The following TRIM44 variants were observed in gnomAD, a reference collection of about 807,000 sequenced individuals.
TRIM44 encodes tripartite motif-containing protein 44.
TRIM44 carries 13 observed loss-of-function variants against 37.4 expected under a neutral mutation model. The ratio of observed to expected loss-of-function variants is 0.35; its 90% confidence interval spans 0.23 to 0.55. The LOEUF is 0.55. Ranked by LOEUF, TRIM44 falls within the 20% of genes least tolerant of loss-of-function variation. The pLI is 0.89. For synonymous variants in TRIM44, 175 were observed against 157.2 expected (o/e 1.11, Z -0.85); for missense variants, 426 against 437.2 (o/e 0.97, Z 0.23).
At chr11:35,741,987 A>C (rs1852403082) in intron 4 of TRIM44, among the ~76,000 whole-genome samples, 1 of 152,068 alleles carries the variant, frequency 6.6e-6, no homozygotes, top group Admixed American at 6.6e-5. Context: ...CTAGAGTGTA[A>C]TAGTACAATC....
intron 2 of TRIM44, among the ~76,000 whole-genome samples, chr11:35,692,649 G>A (rs1447754342): frequency 1.3e-5 from 2 of 152,174 alleles, no homozygotes; most frequent in African/African-American, 2.4e-5. Context: ...TCAGGGCCAG[G>A]TGCGGTGGCT....
At chr11:35,742,653 T>G (rs924877245) in intron 4 of TRIM44, among the ~76,000 whole-genome samples, 5 of 132,364 alleles carry the variant, frequency 3.8e-5, no homozygotes, top group Admixed American at 1.6e-4. Context: ...TTAATTGTAT[T>G]ATATATAATT....
intron 4 of TRIM44, among the ~76,000 whole-genome samples, chr11:35,788,152 G>C (rs1475731728): frequency 6.6e-6 from 1 of 152,148 alleles, no homozygotes. Context: ...TGAGCCGGAG[G>C]GTGGATGATG....
chr11:35,672,314 T>C (rs965038427), intron 1 of TRIM44, among the ~76,000 whole-genome samples: 1 of 152,168 alleles, frequency 6.6e-6, no homozygotes, highest in Admixed American at 6.5e-5. Context: ...TCTTCTATTC[T>C]GTTAAAAAAA....
intron 4 of TRIM44, among the ~76,000 whole-genome samples, chr11:35,796,384 T>C (rs1853290256): frequency 6.6e-6 from 1 of 152,226 alleles, no homozygotes. Context: ...TTTGGTAACT[T>C]GTGAGATACA....
rs190760306 is a variant in TRIM44, at chr11:35,806,797, A to G, written c.*412A>G. 6 of 170,448 alleles carry G rather than the reference A, an allele frequency of 3.5e-5. No homozygotes were observed. Among genetic ancestry groups the G allele is most frequent in the African/African-American group, 1.2e-4 (5 of 42,010 alleles). The allele number at this position is 170,448 out of a possible 1,614,324, so 10.6% of individuals were successfully genotyped here. A position where few individuals can be genotyped will look rare whatever the true frequency, so the allele number is the denominator to read the frequency against. ...CTCCCTGCCTATTAACAAAAACCCA[A>G]TTTTGTTCATATTGAAGCATGAAAT... On this transcript the variant is annotated 3_prime_UTR_variant, in exon 5 of 5. Transcript: ENST00000299413.
chr11:35,707,109 TA>T (rs1851896301), intron 2 of TRIM44, among the ~76,000 whole-genome samples: 2 of 152,266 alleles, frequency 1.3e-5, no homozygotes, highest in South Asian at 4.1e-4. Flanking sequence ...CGCATTCTTA[TA>T]CACCAATAAC....
At chr11:35,714,472 G>A (rs1330967214) in intron 2 of TRIM44, among the ~76,000 whole-genome samples, 1 of 152,112 alleles carries the variant, frequency 6.6e-6, no homozygotes, top group Non-Finnish European at 1.5e-5. Context: ...CTGTACCGTT[G>A]TGACCCTATG....
chr11:35,749,000 A>C (rs1013556809), intron 4 of TRIM44, among the ~76,000 whole-genome samples: 3 of 152,244 alleles, frequency 2.0e-5, no homozygotes, highest in Non-Finnish European at 4.4e-5. Context: ...CATAATATAC[A>C]GCAAGACTTC....
rs556843651 is a variant in TRIM44 at position 35,749,093 on chromosome 11, C to T, written c.1007+13648C>T. Reference sequence around the variant, plus strand: ...GATATTTTACTTTGAAACAGTGAGTCTCAGTTGGAGGAGAAACATGGCATT... The same window carrying T: ...GATATTTTACTTTGAAACAGTGAGTTTCAGTTGGAGGAGAAACATGGCATT... On this transcript the variant is annotated intron_variant, in intron 4 of 4. Coordinates refer to ENST00000299413, the MANE Select transcript of TRIM44 (RefSeq NM_017583.6). Among the ~76,000 whole-genome samples, 17 of 152,248 alleles carry T rather than the reference C, an allele frequency of 1.1e-4. 1 individual carries two copies. The South Asian group carries it at 3.1e-3, about 28-fold the overall frequency.
chr11:35,723,268 A>G (rs888006071), intron 2 of TRIM44, among the ~76,000 whole-genome samples: 6 of 152,202 alleles, frequency 3.9e-5, no homozygotes, highest in Non-Finnish European at 5.9e-5. Context: ...CTATAAAATT[A>G]GAAGGTTAGA....
chr11:35,704,630 T>C (rs1352388435), intron 2 of TRIM44, among the ~76,000 whole-genome samples: 1 of 152,168 alleles, frequency 6.6e-6, no homozygotes. Flanking sequence ...GAAAAGAATT[T>C]TCAATCCAGA....
chr11:35,750,227 G>T (rs1564997372), intron 4 of TRIM44, among the ~76,000 whole-genome samples: 1 of 152,164 alleles, frequency 6.6e-6, no homozygotes, highest in Non-Finnish European at 1.5e-5. Flanking sequence ...AGAACCAAAT[G>T]CAGTCCTTGT....
chr11:35,756,034 C>T (rs1339823808), intron 4 of TRIM44, among the ~76,000 whole-genome samples: 2 of 149,146 alleles, frequency 1.3e-5, no homozygotes, highest in African/African-American at 4.9e-5. Context: ...TTTTCCAATT[C>T]TGTGAAGAAA....
rs531682749 is a variant in TRIM44, at chr11:35,733,785, AC to A, written c.988-1636del. On this transcript the variant is annotated intron_variant, in intron 3 of 4. Transcript: ENST00000299413. ...TTGCCCTCAGTTCCAACCTTATACC[AC>A]CCCCAGCGCCCTGCCCAAAACACAC... is the stretch of plus-strand genomic sequence containing the variant. Among the ~76,000 whole-genome samples, 10 of 151,088 alleles carry A rather than the reference AC, an allele frequency of 6.6e-5. No homozygotes were observed. The South Asian group carries it at 1.9e-3, about 29-fold the overall frequency.
intron 4 of TRIM44, among the ~76,000 whole-genome samples, chr11:35,803,551 G>A (rs1420100079): frequency 6.6e-6 from 1 of 152,038 alleles, no homozygotes; most frequent in Non-Finnish European, 1.5e-5. Flanking sequence ...TGAAACTCCA[G>A]CTCTACTAAA....
In TRIM44 at chr11:35,663,394, G is replaced by GCCC; in HGVS notation, c.284_285insCCC (p.Ala95_Gly96insPro). On this transcript the variant is annotated inframe_insertion, in exon 1 of 5. Transcript: ENST00000299413. ...GCAGGAGAGGGAGATAGAAAGCGAGGCAGGGGAAGAGAGTGAGTCGGAGGA... is the reference window on the plus strand; with the variant it reads ...GCAGGAGAGGGAGATAGAAAGCGAGGCCCCAGGGGAAGAGAGTGAGTCGGAGGA... 1 of 1,603,180 alleles carries GCCC rather than the reference G, an allele frequency of 6.2e-7. No homozygotes were observed. Among genetic ancestry groups the GCCC allele is most frequent in the Non-Finnish European group, 8.5e-7 (1 of 1,174,258 alleles).
chr11:35,710,419 C>G (rs1307071922), intron 2 of TRIM44, among the ~76,000 whole-genome samples: 1 of 152,170 alleles, frequency 6.6e-6, no homozygotes, highest in African/African-American at 2.4e-5. Flanking sequence ...TTGAGACAAA[C>G]CCTTTTAACA....
At chr11:35,728,794 T>G (rs570020909) in intron 3 of TRIM44, among the ~76,000 whole-genome samples, 5 of 152,344 alleles carry the variant, frequency 3.3e-5, no homozygotes, top group African/African-American at 1.2e-4. Context: ...ATTATGCCTA[T>G]GTACCTACCA....
Sources: gnomAD v4.1 joint callset for allele counts (sites outside exome capture counted in the v4.1 genomes callset) on GRCh38, gnomAD v4.1.1 for gene constraint, MANE v1.5 for transcripts, NCBI Gene and HGNC (gene_info 2026-07-23, HGNC 2026-07-21) for gene names.